Variants in KIRREL3 observed in about 807,000 individuals in gnomAD.
The protein encoded by KIRREL3 is kin of IRRE-like protein 3.
A neutral mutation model predicts 89.7 loss-of-function variants in KIRREL3; 36 were observed. The observed-to-expected ratio is 0.40, with a 90% CI of 0.31 to 0.53. KIRREL3 has a LOEUF of 0.53. KIRREL3 is among the 20% of genes least tolerant of loss of function. KIRREL3 has a pLI of 0.49. For missense variants in KIRREL3, 864 were observed against 1,056.6 expected (o/e 0.82, Z 2.53); for synonymous variants, 445 against 441.4 (o/e 1.01, Z -0.10).
rs1565423549 is a variant in KIRREL3, at chr11:126,923,211, T to TTC, written c.55+77242_55+77243dup. ...TCTCTTCTTCTTCTTCTTCTTCTTCTTCTTCTTCTTCTTCTTCTTCTTCTT... is the reference window on the plus strand; with the variant it reads ...TCTCTTCTTCTTCTTCTTCTTCTTCTTCTCTTCTTCTTCTTCTTCTTCTTCTT... On this transcript the variant is annotated intron_variant, in intron 1 of 16. Coordinates refer to ENST00000525144, the MANE Select transcript of KIRREL3 (RefSeq NM_032531.4). Among the ~76,000 whole-genome samples, 73 of 16,260 alleles carry TTC rather than the reference T, an allele frequency of 4.5e-3. 16 individuals are homozygous for TTC. The highest frequency in any genetic ancestry group is 5.0e-3 in the Admixed American group (9 of 1,810). 10.7% of individuals were successfully genotyped at this position (16,260 alleles called of 152,430 possible). A position where few individuals can be genotyped will look rare whatever the true frequency, so the allele number is the denominator to read the frequency against.
In KIRREL3 at chr11:126,459,317, G is replaced by A. The variant is rs531342027; in HGVS notation, c.743-2863C>T. On this transcript the variant is annotated intron_variant, in intron 6 of 16. Transcript: ENST00000525144. This position sits in a 1 kb window ranked among gnomAD's most constrained non-coding sequence, Gnocchi z 4.8. ...CTGTTGTAGGACCTTCCTGCTGCCC[G>A]ATGCCTCATCACGCCCCTGCCATGA... 3.3e-5 allele frequency among the ~76,000 whole-genome samples: 5 copies of A among 152,224 alleles called. No homozygotes were observed. The highest frequency in any genetic ancestry group is 2.0e-4 in the Admixed American group (3 of 15,286).
rs1293905575 is a variant in KIRREL3, at chr11:126,981,286, G to A, written c.55+19169C>T. Among the ~76,000 whole-genome samples the A allele has an allele frequency of 4.6e-5, 7 of 152,298 alleles. No individual in the cohort carries two copies. In the East Asian group the frequency reaches 9.6e-4, roughly 21 times the overall value. On this transcript the variant is annotated intron_variant, in intron 1 of 16. Transcript: ENST00000525144. This position sits in a 1 kb window ranked among gnomAD's most constrained non-coding sequence, Gnocchi z 4.2. ...TCTTAGTGTTCAGCCTGGGACCTAG[G>A]CAGGCTACAGATGTTACTGCTGATG...
intron 7 of KIRREL3, among the ~76,000 whole-genome samples, chr11:126,451,530 ATG>A (rs1428941911): frequency 9.4e-5 from 12 of 128,246 alleles, no homozygotes; most frequent in Admixed American, 4.8e-4. Context: ...GAGTGGGTGC[ATG>A]TGTGAGAGTG....
At chr11:126,670,484 T>C (rs899161323) in intron 1 of KIRREL3, among the ~76,000 whole-genome samples, 3 of 152,080 alleles carry the variant, frequency 2.0e-5, no homozygotes, top group South Asian at 2.1e-4. Flanking sequence ...AAATAAAAAG[T>C]GTGGAGACTT....
rs567578845 is a variant in KIRREL3 at position 127,000,436 on chromosome 11, A to G, written c.55+19T>C. On this transcript the variant is annotated intron_variant, in intron 1 of 16. Transcript: ENST00000525144. The surrounding 1 kb of genome is among the most constrained non-coding windows in gnomAD (Gnocchi z 7.1). ...ACCCAGCCGACTTTCTTCCAACTCC[A>G]GCAGCGCAGGGGTCCTACCTTGACT... 12 of 1,590,846 alleles carry G rather than the reference A, an allele frequency of 7.5e-6. No homozygotes were observed. In the South Asian group the frequency reaches 1.3e-4, roughly 17 times the overall value.
In KIRREL3 at chr11:126,748,316, G is replaced by T. The variant is rs1949221622; in HGVS notation, c.56-185404C>A. The stretch of plus-strand genomic sequence containing the variant: ...GACAGTGTAAGCCCCAGGAAACTGT[G>T]ACAGCAATAAAAGAACTAAATGTTT... On this transcript the variant is annotated intron_variant, in intron 1 of 16. Transcript: ENST00000525144. This position sits in a 1 kb window ranked among gnomAD's most constrained non-coding sequence, Gnocchi z 4.6. Among the ~76,000 whole-genome samples, 1 of 152,154 alleles carries T rather than the reference G, an allele frequency of 6.6e-6. No individual in the cohort carries two copies. Among genetic ancestry groups the T allele is most frequent in the Non-Finnish European group, 1.5e-5 (1 of 68,030 alleles).
At chr11:126,793,200 G>A (rs1364351681) in intron 1 of KIRREL3, among the ~76,000 whole-genome samples, 1 of 151,848 alleles carries the variant, frequency 6.6e-6, no homozygotes, top group Non-Finnish European at 1.5e-5. Flanking sequence ...ACAGGCCAGG[G>A]CATGTAAAAG....
chr11:126,702,978 G>A (rs1434289587), intron 1 of KIRREL3, among the ~76,000 whole-genome samples: 1 of 152,224 alleles, frequency 6.6e-6, no homozygotes, highest in East Asian at 1.9e-4. Context: ...GCCCCTGAGG[G>A]CAATTGTTGC....
chr11:126,974,595 G>A (rs1286995), intron 1 of KIRREL3, among the ~76,000 whole-genome samples: 61 of 139,832 alleles, frequency 4.4e-4, no homozygotes, highest in African/African-American at 1.4e-3. Flanking sequence ...GGTATAGCCC[G>A]TTACACACCT....
intron 1 of KIRREL3, among the ~76,000 whole-genome samples, chr11:126,820,048 T>C (rs939526): frequency 0.86 from 131,263 of 152,018 alleles, 57,024 homozygotes; most frequent in East Asian, 1. Context: ...CATTCATTCA[T>C]GTAAGATTTT....
chr11:126,643,018 C>CCA lies in KIRREL3; in HGVS notation c.56-80107_56-80106insTG. Among the ~76,000 whole-genome samples, 1 of 152,116 alleles carries CCA rather than the reference C, an allele frequency of 6.6e-6. No homozygotes were observed. The highest frequency in any genetic ancestry group is 6.5e-5 in the Admixed American group (1 of 15,276). On this transcript the variant is annotated intron_variant, in intron 1 of 16. Transcript: ENST00000525144. The surrounding 1 kb of genome is among the most constrained non-coding windows in gnomAD (Gnocchi z 4.5). ...TCCATCCATCCATCCATCCATCCATCTATCCATCCATCCAATGCAAGGCAT... is the reference window on the plus strand; with the variant it reads ...TCCATCCATCCATCCATCCATCCATCCATATCCATCCATCCAATGCAAGGCAT...
Position 126,766,120 on chromosome 11 carries a change from G to A in KIRREL3, c.56-203208C>T, listed in dbSNP as rs530749739. Among the ~76,000 whole-genome samples the A allele has an allele frequency of 4.0e-5, 6 of 151,818 alleles. No homozygotes were observed. In the East Asian group the frequency reaches 5.8e-4, roughly 15 times the overall value. On this transcript the variant is annotated intron_variant, in intron 1 of 16. Coordinates refer to ENST00000525144, the MANE Select transcript of KIRREL3 (RefSeq NM_032531.4). The surrounding 1 kb of genome is among the most constrained non-coding windows in gnomAD (Gnocchi z 4.2). Reference sequence around the variant, plus strand: ...GGATGGTATCTAGTATCGTTTCATCGCTAATGTTGTGAGTGAGCTAGAACA... The same window carrying A: ...GGATGGTATCTAGTATCGTTTCATCACTAATGTTGTGAGTGAGCTAGAACA...
Position 126,908,777 on chromosome 11 carries a change from G to C in KIRREL3, c.55+91678C>G, listed in dbSNP as rs1023306811. On this transcript the variant is annotated intron_variant, in intron 1 of 16. Transcript: ENST00000525144. This position sits in a 1 kb window ranked among gnomAD's most constrained non-coding sequence, Gnocchi z 4.2. ...TAGTCTAGGTAGGAAGATAAATGTC[G>C]AACAAAGACTCAGGCAAATATATGC... Among the ~76,000 whole-genome samples, 1 of 152,022 alleles carries C rather than the reference G, an allele frequency of 6.6e-6. No individual in the cohort carries two copies. The highest frequency in any genetic ancestry group is 1.5e-5 in the Non-Finnish European group (1 of 68,034).
rs1349175405 is a variant in KIRREL3, at chr11:126,635,444, G to T, written c.56-72532C>A. 6.6e-6 allele frequency among the ~76,000 whole-genome samples: 1 copy of T among 152,234 alleles called. No homozygotes were observed. Among genetic ancestry groups the T allele is most frequent in the Non-Finnish European group, 1.5e-5 (1 of 68,046 alleles). On this transcript the variant is annotated intron_variant, in intron 1 of 16. Coordinates refer to ENST00000525144, the MANE Select transcript of KIRREL3 (RefSeq NM_032531.4). The surrounding 1 kb of genome is among the most constrained non-coding windows in gnomAD (Gnocchi z 4.0). ...ATTAAAAGGGCTGGGCTGGTTGGCT[G>T]GCTCCAAGGCCCTCAGCACCTCTGG...
chr11:126,467,749 G>A (rs966247853), intron 5 of KIRREL3, among the ~76,000 whole-genome samples: 26 of 152,228 alleles, frequency 1.7e-4, no homozygotes, highest in African/African-American at 3.4e-4. Flanking sequence ...TGGAGGATGC[G>A]CAGTGCTTTT....
rs181512961 is a variant in KIRREL3, at chr11:126,763,909, T to C, written c.56-200997A>G. Among the ~76,000 whole-genome samples, 87 of 152,282 alleles carry C rather than the reference T, an allele frequency of 5.7e-4. No homozygotes were observed. Among genetic ancestry groups the C allele is most frequent in the Middle Eastern group, 6.8e-3 (2 of 294 alleles). ...TTTTCAGTTGACATTCCCACTCTCTTACCTTCTGCCCCCTGAATTTTTCCT... is the reference window on the plus strand; with the variant it reads ...TTTTCAGTTGACATTCCCACTCTCTCACCTTCTGCCCCCTGAATTTTTCCT... On this transcript the variant is annotated intron_variant, in intron 1 of 16. Coordinates refer to ENST00000525144, the MANE Select transcript of KIRREL3 (RefSeq NM_032531.4). The surrounding 1 kb of genome is among the most constrained non-coding windows in gnomAD (Gnocchi z 4.7).
chr11:126,787,933 C>T (rs898229026), intron 1 of KIRREL3, among the ~76,000 whole-genome samples: 4 of 152,166 alleles, frequency 2.6e-5, no homozygotes, highest in Non-Finnish European at 5.9e-5. Context: ...TATTATGTGC[C>T]AGGCACTCTT....
chr11:126,488,115 A>G (rs1384852676), intron 4 of KIRREL3, among the ~76,000 whole-genome samples: 1 of 152,250 alleles, frequency 6.6e-6, no homozygotes, highest in Non-Finnish European at 1.5e-5. Context: ...TTACTGGGTA[A>G]GGAGGGGACT....
chr11:126,920,792 C>T (rs1016850512), intron 1 of KIRREL3, among the ~76,000 whole-genome samples: 2 of 152,324 alleles, frequency 1.3e-5, no homozygotes, highest in African/African-American at 4.8e-5. Context: ...TAACATCGTA[C>T]CTTCCTAGAA....
Sources: allele counts gnomAD v4.1 joint callset (sites outside exome capture counted in the v4.1 genomes callset), GRCh38; gene constraint gnomAD v4.1.1; non-coding constraint Gnocchi (gnomAD v3.1); transcripts MANE v1.5; gene names NCBI Gene and HGNC (gene_info 2026-07-23, HGNC 2026-07-21).